Variants in DDX39A observed in about 807,000 individuals in gnomAD.
DDX39A encodes the protein ATP-dependent RNA helicase DDX39A.
Under a neutral mutation model 46.3 loss-of-function variants are expected in DDX39A, and 13 were observed. That is an observed-to-expected ratio of 0.28 (90% CI 0.18 to 0.45). The LOEUF (loss-of-function observed/expected upper bound fraction) is 0.45. Ranked by LOEUF, DDX39A falls within the 20% of genes least tolerant of loss-of-function variation. The pLI is 1.00. For missense variants in DDX39A, 352 were observed against 581.8 expected, an observed-to-expected ratio of 0.61 and a Z score of 4.06; for synonymous variants, 234 against 224.6, an observed-to-expected ratio of 1.04 and a Z score of -0.38.
Position 14,412,766 on chromosome 19 carries a change from G to T in DDX39A, c.209-88C>A. ...CAGTTGACCGGGGGCCCACAGTGAG[G>T]GCAATCAGAAGAGGCCGAGTCCGGA... On this transcript the variant is annotated intron_variant, in intron 2 of 10. Transcript: ENST00000242776. The surrounding 1 kb of genome is among the most constrained non-coding windows in gnomAD (Gnocchi z 4.4). 1 of 1,517,716 alleles carries T rather than the reference G, an allele frequency of 6.6e-7. No homozygotes were observed. Among genetic ancestry groups the T allele is most frequent in the Non-Finnish European group, 8.8e-7 (1 of 1,131,492 alleles). 94.0% of individuals were successfully genotyped at this position (1,517,716 alleles called of 1,614,324 possible). A position where few individuals can be genotyped will look rare whatever the true frequency, so the allele number is the denominator to read the frequency against.
At chr19:14,419,203 C>T (rs1197160243) in intron 1 of DDX39A, 67 bp downstream of exon 1, 5 of 329,614 alleles carry the variant, frequency 1.5e-5, no homozygotes, top group Middle Eastern at 1.1e-3. Flanking sequence ...AACGTCTCCC[C>T]TCGTCCTCTC....
At position 14,409,991 on chromosome 19, in the gene DDX39A, C is replaced by G. The variant is rs777036265; in HGVS notation, c.733-118G>C. On this transcript the variant is annotated intron_variant, in intron 6 of 10. Coordinates refer to ENST00000242776, the MANE Select transcript of DDX39A (RefSeq NM_005804.4). This position sits in a 1 kb window ranked among gnomAD's most constrained non-coding sequence, Gnocchi z 8.3. ...ACACTTCCCAGAGGACCTGCTGCAC[C>G]AGACCTCAGTAAACATCGCTCAAAA... is the stretch of plus-strand genomic sequence containing the variant. The G allele has an allele frequency of 7.5e-7, 1 of 1,330,352 alleles. No homozygotes were observed. Among genetic ancestry groups the G allele is most frequent in the Non-Finnish European group, 1.1e-6 (1 of 933,774 alleles). The allele number at this position is 1,330,352 out of a possible 1,614,324, so 82.4% of individuals were successfully genotyped here.
In DDX39A at chr19:14,410,434, C is replaced by G. The variant is rs1976531983; in HGVS notation, c.614-100G>C. ...ACCCCTCCCAACCTGTGCCAGGGAG[C>G]CAGTGGCACCGTGACGAGGGCAGAG... On this transcript the variant is annotated intron_variant, in intron 5 of 10. Transcript: ENST00000242776. The surrounding 1 kb of genome is among the most constrained non-coding windows in gnomAD (Gnocchi z 4.3). The G allele has an allele frequency of 2.9e-6, 3 of 1,030,880 alleles. No homozygotes were observed. Among genetic ancestry groups the G allele is most frequent in the Non-Finnish European group, 4.5e-6 (3 of 668,510 alleles). 63.9% of individuals were successfully genotyped at this position (1,030,880 alleles called of 1,614,324 possible). A position where few individuals can be genotyped will look rare whatever the true frequency, so the allele number is the denominator to read the frequency against.
chr19:14,413,577 A>T (rs546123582), intron 1 of DDX39A, among the ~76,000 whole-genome samples: 1 of 152,224 alleles, frequency 6.6e-6, no homozygotes, highest in South Asian at 2.1e-4. Flanking sequence ...AGACCCCTGG[A>T]GCCCCTGCCC....
chr19:14,418,783 T>A, intron 1 of DDX39A: 2 of 392,912 alleles, frequency 5.1e-6, no homozygotes, highest in Non-Finnish European at 1.0e-5. Context: ...TCTTATTTGC[T>A]CTAAATCTCA....
intron 1 of DDX39A, among the ~76,000 whole-genome samples, chr19:14,414,969 CAG>C (rs910658663): frequency 6.7e-6 from 1 of 149,264 alleles, no homozygotes; most frequent in African/African-American, 2.5e-5. Flanking sequence ...AAAAGCTTCA[CAG>C]AGATATTTAC....
intron 1 of DDX39A, among the ~76,000 whole-genome samples, chr19:14,417,177 A>T (rs1288284298): frequency 6.6e-6 from 1 of 152,156 alleles, no homozygotes; most frequent in East Asian, 1.9e-4. Context: ...TAAGGAAAGA[A>T]AGGGTGGGAC....
chr19:14,411,602 G>C lies in DDX39A; in HGVS notation c.337-4C>G. ...GGCACATGACCAGGACCGTCACCTG[G>C]GAAGTGGCATAAGAAGAGGGCCTTA... On this transcript the variant is annotated splice_polypyrimidine_tract_variant and splice_region_variant and intron_variant, in intron 3 of 10. Coordinates refer to ENST00000242776, the MANE Select transcript of DDX39A (RefSeq NM_005804.4). The surrounding 1 kb of genome is among the most constrained non-coding windows in gnomAD (Gnocchi z 4.1). The C allele has an allele frequency of 6.3e-7, 1 of 1,581,886 alleles. No individual in the cohort carries two copies. Among genetic ancestry groups the C allele is most frequent in the Non-Finnish European group, 8.5e-7 (1 of 1,171,176 alleles).
In DDX39A at chr19:14,408,949, TC is replaced by T. The variant is rs1262363814; in HGVS notation, c.1270del (p.Glu424SerfsTer30). 6.2e-7 allele frequency: 1 copy of T among 1,600,896 alleles called. No individual in the cohort carries two copies. The highest frequency in any genetic ancestry group is 8.5e-7 in the Non-Finnish European group (1 of 1,171,030). ...PEEIDISTYIEQSR is the reference protein window; with the variant it reads ...PEEIDISTYIXQSR The stretch of plus-strand genomic sequence containing the variant: ...GGCACGTGGTGGTTACCGGCTCTGC[TC>T]GACTGTAAGACATGAGATGCAGTGA... On this transcript the variant is annotated frameshift_variant and splice_region_variant, in exon 11 of 11. Transcript: ENST00000242776. LOFTEE classifies it high-confidence loss of function.
chr19:14,410,385 AC>A lies in DDX39A; in HGVS notation c.614-52del, dbSNP rs760304195. On this transcript the variant is annotated intron_variant, in intron 5 of 10. Transcript: ENST00000242776. This position sits in a 1 kb window ranked among gnomAD's most constrained non-coding sequence, Gnocchi z 4.3. The stretch of plus-strand genomic sequence containing the variant: ...TGGGCATGAGCGTCTGCCATGCAGG[AC>A]CCCCACCCCAGACCAGACCCAGACC... 2 of 1,515,090 alleles carry A rather than the reference AC, an allele frequency of 1.3e-6. No individual in the cohort carries two copies. The highest frequency in any genetic ancestry group is 9.2e-7 in the Non-Finnish European group (1 of 1,092,678). The allele number at this position is 1,515,090 out of a possible 1,614,324, so 93.9% of individuals were successfully genotyped here. A position where few individuals can be genotyped will look rare whatever the true frequency, so the allele number is the denominator to read the frequency against.
intron 1 of DDX39A, among the ~76,000 whole-genome samples, chr19:14,418,467 G>GT (rs551565696): frequency 6.9e-4 from 104 of 151,796 alleles, no homozygotes; most frequent in Middle Eastern, 3.4e-3. Context: ...TTTTCATTCT[G>GT]TTTTTTTTGA....
At position 14,412,357 on chromosome 19, in the gene DDX39A, C is replaced by G; in HGVS notation, c.336+194G>C. ...AACTAATTATTTTTTGAGATGGAGT[C>G]TACCTCTGCCACCCAGGCTGGAGTG... On this transcript the variant is annotated intron_variant, in intron 3 of 10. Coordinates refer to ENST00000242776, the MANE Select transcript of DDX39A (RefSeq NM_005804.4). This position sits in a 1 kb window ranked among gnomAD's most constrained non-coding sequence, Gnocchi z 4.4. 1 of 593,792 alleles carries G rather than the reference C, an allele frequency of 1.7e-6. No homozygotes were observed. Among genetic ancestry groups the G allele is most frequent in the Non-Finnish European group, 2.8e-6 (1 of 362,524 alleles). 36.8% of individuals were successfully genotyped at this position (593,792 alleles called of 1,614,324 possible).
chr19:14,411,269 C>A lies in DDX39A; in HGVS notation c.430-97G>T. 1 of 1,401,774 alleles carries A rather than the reference C, an allele frequency of 7.1e-7. No homozygotes were observed. The highest frequency in any genetic ancestry group is 2.3e-5 in the East Asian group (1 of 43,322). 86.8% of individuals were successfully genotyped at this position (1,401,774 alleles called of 1,614,324 possible). On this transcript the variant is annotated intron_variant, in intron 4 of 10. Transcript: ENST00000242776. The surrounding 1 kb of genome is among the most constrained non-coding windows in gnomAD (Gnocchi z 4.1). ...CTGCGAACAGGAGGCCTCAGGGGAC[C>A]AAGGCAGGCCTGAGAGCCTCCCGGG...
chr19:14,415,306 TC>T (rs1195606892), intron 1 of DDX39A, among the ~76,000 whole-genome samples: 4 of 152,126 alleles, frequency 2.6e-5, no homozygotes, highest in South Asian at 2.1e-4. Context: ...TCCTTTTTTT[TC>T]CCCCCTCTTT....
At position 14,410,893 on chromosome 19, in the gene DDX39A, C is replaced by T. The variant is rs777606004; in HGVS notation, c.613+96G>A. Reference sequence around the variant, plus strand: ...AGATCACCACAGGAGCCCCGCCTGCCGGCCGCCCATGTAACCCACTCAAGA... The same window carrying T: ...AGATCACCACAGGAGCCCCGCCTGCTGGCCGCCCATGTAACCCACTCAAGA... On this transcript the variant is annotated intron_variant, in intron 5 of 10. Transcript: ENST00000242776. The surrounding 1 kb of genome is among the most constrained non-coding windows in gnomAD (Gnocchi z 4.3). 45 of 1,183,552 alleles carry T rather than the reference C, an allele frequency of 3.8e-5. No homozygotes were observed. The highest frequency in any genetic ancestry group is 4.5e-5 in the Non-Finnish European group (39 of 871,082). The allele number at this position is 1,183,552 out of a possible 1,614,324, so 73.3% of individuals were successfully genotyped here.
Position 14,412,852 on chromosome 19 carries a change from G to A in DDX39A, c.208+161C>T. The stretch of plus-strand genomic sequence containing the variant: ...CCTGGTCAAAGCAGAACGCCCCACT[G>A]CCGAGGGCAGCCACAGGCCCCGCTG... On this transcript the variant is annotated intron_variant, in intron 2 of 10. Coordinates refer to ENST00000242776, the MANE Select transcript of DDX39A (RefSeq NM_005804.4). The surrounding 1 kb of genome is among the most constrained non-coding windows in gnomAD (Gnocchi z 4.4). 1 of 1,238,050 alleles carries A rather than the reference G, an allele frequency of 8.1e-7. No individual in the cohort carries two copies. Among genetic ancestry groups the A allele is most frequent in the Non-Finnish European group, 1.1e-6 (1 of 904,084 alleles). The allele number at this position is 1,238,050 out of a possible 1,614,324, so 76.7% of individuals were successfully genotyped here. A position where few individuals can be genotyped will look rare whatever the true frequency, so the allele number is the denominator to read the frequency against.
chr19:14,410,101 C>T lies in DDX39A; in HGVS notation c.732+115G>A, dbSNP rs928073387. ...AGACCGAGGGGAGGAAAGGAGGCTCCGCCGGCTCCCAGCATCCCAGCATCC... is the reference window on the plus strand; with the variant it reads ...AGACCGAGGGGAGGAAAGGAGGCTCTGCCGGCTCCCAGCATCCCAGCATCC... On this transcript the variant is annotated intron_variant, in intron 6 of 10. Transcript: ENST00000242776. This position sits in a 1 kb window ranked among gnomAD's most constrained non-coding sequence, Gnocchi z 4.3. 65 of 1,128,822 alleles carry T rather than the reference C, an allele frequency of 5.8e-5. No homozygotes were observed. Among genetic ancestry groups the T allele is most frequent in the Middle Eastern group, 2.2e-4 (1 of 4,568 alleles). 69.9% of individuals were successfully genotyped at this position (1,128,822 alleles called of 1,614,324 possible). A position where few individuals can be genotyped will look rare whatever the true frequency, so the allele number is the denominator to read the frequency against.
Position 14,410,168 on chromosome 19 carries a change from C to T in DDX39A, c.732+48G>A. 6.4e-7 allele frequency: 1 copy of T among 1,562,428 alleles called. No individual in the cohort carries two copies. On this transcript the variant is annotated intron_variant, in intron 6 of 10. Transcript: ENST00000242776. The surrounding 1 kb of genome is among the most constrained non-coding windows in gnomAD (Gnocchi z 4.3). Reference sequence around the variant, plus strand: ...CGTGCGGGTGTCCTGGGGCCCCAGGCTCCAGGCCCCTGGGGAAGGCCAAAG... The same window carrying T: ...CGTGCGGGTGTCCTGGGGCCCCAGGTTCCAGGCCCCTGGGGAAGGCCAAAG...
chr19:14,419,173 T>C (rs1976946892), intron 1 of DDX39A, 97 bp downstream of exon 1: 1 of 338,426 alleles, frequency 3.0e-6, no homozygotes, highest in East Asian at 9.1e-5. Context: ...CGACCCTTTC[T>C]CCCCCTCCCC....
Sources: gnomAD v4.1 joint callset for allele counts (sites outside exome capture counted in the v4.1 genomes callset) on GRCh38, gnomAD v4.1.1 for gene constraint, Gnocchi (gnomAD v3.1) non-coding constraint, MANE v1.5 for transcripts, NCBI Gene and HGNC (gene_info 2026-07-23, HGNC 2026-07-21) for gene names.